Variants in PRKAR1B observed in about 807,000 individuals in gnomAD.
The protein encoded by PRKAR1B is cAMP-dependent protein kinase type I-beta regulatory subunit.
In PRKAR1B, 22 loss-of-function variants were observed where a neutral mutation model predicts 46.5. The ratio of observed to expected loss-of-function variants is 0.47; its 90% CI spans 0.34 to 0.68. The LOEUF (loss-of-function observed/expected upper bound fraction) is 0.68, where lower values mean the gene tolerates loss of function less well. Among genes scored for constraint, PRKAR1B ranks in the 30% least tolerant of loss-of-function variants. The pLI, the probability that PRKAR1B is intolerant of heterozygous loss-of-function variation, is 0.01. For synonymous variants in PRKAR1B, 259 were observed against 217.7 expected (o/e 1.19, Z -1.67); for missense variants, 445 against 535.6 (o/e 0.83, Z 1.67).
intron 4 of PRKAR1B, among the ~76,000 whole-genome samples, chr7:650,427 T>C (rs941647207): frequency 3.4e-5 from 5 of 148,614 alleles, no homozygotes; most frequent in African/African-American, 1.2e-4. Context: ...CGAAAGGCTC[T>C]TTCCAGCCCT....
At chr7:724,733 A>G (rs552953678) in intron 1 of PRKAR1B, among the ~76,000 whole-genome samples, 3 of 152,210 alleles carry the variant, frequency 2.0e-5, no homozygotes, top group African/African-American at 7.2e-5. Flanking sequence ...ACACATACTA[A>G]TTTATCCTTC....
chr7:676,273 G>A (rs575777913), intron 4 of PRKAR1B, among the ~76,000 whole-genome samples: 9 of 152,034 alleles, frequency 5.9e-5, no homozygotes, highest in Admixed American at 3.3e-4. Flanking sequence ...CACACATGGC[G>A]TCCAAGCCCC....
chr7:549,852 G>A lies in PRKAR1B; in HGVS notation c.*578C>T, dbSNP rs141814354. 290 of 155,794 alleles carry A rather than the reference G, an allele frequency of 1.9e-3. 15 individuals are homozygous for A. The East Asian group carries it at 0.04, about 21-fold the overall frequency. The allele number at this position is 155,794 out of a possible 1,614,324, so 9.7% of individuals were successfully genotyped here. A position where few individuals can be genotyped will look rare whatever the true frequency, so the allele number is the denominator to read the frequency against. On this transcript the variant is annotated 3_prime_UTR_variant, in exon 11 of 11. Coordinates refer to ENST00000537384, the MANE Select transcript of PRKAR1B (RefSeq NM_001164760.2). Reference sequence around the variant, plus strand: ...ACAGCTCAGAGACTCTCCCACTCCGGCATCCGCAGCAGGGCCCCCGGGGGA... The same window carrying A: ...ACAGCTCAGAGACTCTCCCACTCCGACATCCGCAGCAGGGCCCCCGGGGGA...
intron 4 of PRKAR1B, among the ~76,000 whole-genome samples, chr7:622,064 A>G (rs896531495): frequency 1.3e-5 from 2 of 152,238 alleles, no homozygotes; most frequent in African/African-American, 4.8e-5. Flanking sequence ...TTGTTGGCTT[A>G]CATTGCTAAT....
intron 4 of PRKAR1B, among the ~76,000 whole-genome samples, chr7:664,604 A>T (rs566182575): frequency 3.3e-5 from 5 of 152,214 alleles, no homozygotes; most frequent in African/African-American, 1.2e-4. Flanking sequence ...CAAATTCCAC[A>T]AGTTTCAAAA....
In PRKAR1B at chr7:602,375, G is replaced by A. The variant is rs1467458483; in HGVS notation, c.549+3818C>T. 1.3e-5 allele frequency among the ~76,000 whole-genome samples: 2 copies of A among 152,176 alleles called. No individual in the cohort carries two copies. Among genetic ancestry groups the A allele is most frequent in the South Asian group, 2.1e-4 (1 of 4,822 alleles). On this transcript the variant is annotated intron_variant, in intron 6 of 10. Coordinates refer to ENST00000537384, the MANE Select transcript of PRKAR1B (RefSeq NM_001164760.2). This position sits in a 1 kb window ranked among gnomAD's most constrained non-coding sequence, Gnocchi z 6.4. ...GTCGAGGGGTGGGTGGGGATTCTGC[G>A]AGGATGAGGAGGAGGAGGAGGAGGT...
chr7:586,676 G>A (rs1445715353), intron 7 of PRKAR1B, among the ~76,000 whole-genome samples: 1 of 152,162 alleles, frequency 6.6e-6, no homozygotes, highest in Non-Finnish European at 1.5e-5. Context: ...AAGTTTGAGG[G>A]GAATTTGTTA....
intron 4 of PRKAR1B, among the ~76,000 whole-genome samples, chr7:630,214 G>C (rs1025776371): frequency 1.3e-5 from 2 of 152,224 alleles, no homozygotes; most frequent in African/African-American, 4.8e-5. Flanking sequence ...AGGTGTGGAG[G>C]GGGCTGGGCC....
chr7:650,325 C>T (rs370247645), intron 4 of PRKAR1B, among the ~76,000 whole-genome samples: 3 of 152,278 alleles, frequency 2.0e-5, no homozygotes, highest in East Asian at 3.9e-4. Flanking sequence ...GTCTGTGTGC[C>T]CTGCTGGAAA....
At chr7:633,281 A>G (rs1422203028) in intron 4 of PRKAR1B, among the ~76,000 whole-genome samples, 1 of 152,190 alleles carries the variant, frequency 6.6e-6, no homozygotes, top group Non-Finnish European at 1.5e-5. Context: ...CCATGTGCGT[A>G]TTTGCTTATT....
chr7:678,009 G>T (rs1007902132), intron 3 of PRKAR1B, among the ~76,000 whole-genome samples: 1 of 152,092 alleles, frequency 6.6e-6, no homozygotes, highest in Non-Finnish European at 1.5e-5. Context: ...GGTGGCTCAC[G>T]CCTGTAATCC....
In PRKAR1B at chr7:606,257, A is replaced by G. The variant is rs769936567; in HGVS notation, c.503-18T>C. 6.8e-6 allele frequency: 11 copies of G among 1,611,734 alleles called. No homozygotes were observed. In the Admixed American group the frequency reaches 1.7e-4, roughly 24 times the overall value. On this transcript the variant is annotated intron_variant, in intron 5 of 10. Transcript: ENST00000537384. Reference sequence around the variant, plus strand: ...TTCATTCCCTGTAACAAAAGAAGAAAGTCAACAGATACAAAGTACATCCAG... The same window carrying G: ...TTCATTCCCTGTAACAAAAGAAGAAGGTCAACAGATACAAAGTACATCCAG...
At chr7:704,657 T>C (rs904039644) in intron 2 of PRKAR1B, among the ~76,000 whole-genome samples, 1 of 152,002 alleles carries the variant, frequency 6.6e-6, no homozygotes, top group Non-Finnish European at 1.5e-5. Flanking sequence ...TAATCCCAGC[T>C]ACTCGGGAGG....
At chr7:657,214 T>C (rs1004296398) in intron 4 of PRKAR1B, among the ~76,000 whole-genome samples, 5 of 151,844 alleles carry the variant, frequency 3.3e-5, no homozygotes, top group Admixed American at 3.3e-4. Context: ...AATTGATGCA[T>C]GAGTGAATGT....
At chr7:711,062 G>A (rs892507083) in intron 2 of PRKAR1B, among the ~76,000 whole-genome samples, 1 of 152,276 alleles carries the variant, frequency 6.6e-6, no homozygotes, top group African/African-American at 2.4e-5. Flanking sequence ...GAGCTCTGAA[G>A]ACCTGGAACC....
At chr7:579,146 G>A (rs1015323968) in intron 9 of PRKAR1B, 110 bp downstream of exon 9, 115 of 1,594,914 alleles carry the variant, frequency 7.2e-5, no homozygotes, top group Non-Finnish European at 9.5e-5. Flanking sequence ...CGGTCACAGG[G>A]CAGCACTGAC....
intron 2 of PRKAR1B, among the ~76,000 whole-genome samples, chr7:710,581 T>A (rs1308592545): frequency 6.6e-6 from 1 of 151,742 alleles, no homozygotes; most frequent in African/African-American, 2.4e-5. Context: ...TGCTGCAAGA[T>A]CAACGTGGAA....
chr7:673,077 A>AACAC (rs1162342531), intron 4 of PRKAR1B, among the ~76,000 whole-genome samples: 13 of 116,322 alleles, frequency 1.1e-4, no homozygotes, highest in African/African-American at 3.9e-4. Context: ...AAAAAAAAAA[A>AACAC]ACACACACAC....
intron 4 of PRKAR1B, among the ~76,000 whole-genome samples, chr7:615,020 G>A (rs997375251): frequency 6.7e-6 from 1 of 149,854 alleles, no homozygotes; most frequent in Non-Finnish European, 1.5e-5. Flanking sequence ...GAGGCTGCAG[G>A]GAGCTGAGAT....
Sources: allele counts gnomAD v4.1 joint callset (sites outside exome capture counted in the v4.1 genomes callset), GRCh38; gene constraint gnomAD v4.1.1; non-coding constraint Gnocchi (gnomAD v3.1); transcripts MANE v1.5; gene names NCBI Gene and HGNC (gene_info 2026-07-23, HGNC 2026-07-21).